Variants in NCAM2 observed in about 807,000 individuals in gnomAD.
NCAM2 encodes the protein neural cell adhesion molecule 2.
A neutral mutation model predicts 98.1 loss-of-function variants in NCAM2; 30 were observed. The ratio of observed to expected loss-of-function variants is 0.31; its 90% CI spans 0.23 to 0.41. The LOEUF (loss-of-function observed/expected upper bound fraction) is 0.41. NCAM2 is among the 10% of genes least tolerant of loss of function. The pLI is 1.00. For synonymous variants in NCAM2, 368 were observed against 342.4 expected (o/e 1.07, Z -0.83); for missense variants, 867 against 1,005.8 (o/e 0.86, Z 1.87).
chr21:21,154,638 A>T (rs947688822), intron 1 of NCAM2, among the ~76,000 whole-genome samples: 5 of 151,894 alleles, frequency 3.3e-5, no homozygotes, highest in African/African-American at 1.2e-4. Flanking sequence ...TTTCTGCTAC[A>T]CTTTTCTTCA....
chr21:21,356,472 G>A (rs2075482140), intron 8 of NCAM2, among the ~76,000 whole-genome samples: 1 of 152,008 alleles, frequency 6.6e-6, no homozygotes, highest in Admixed American at 6.6e-5. Flanking sequence ...TTTATAAAAT[G>A]TGAAGATTAC....
At chr21:21,420,292 T>C (rs1398954002) in intron 11 of NCAM2, among the ~76,000 whole-genome samples, 1 of 152,040 alleles carries the variant, frequency 6.6e-6, no homozygotes, top group East Asian at 1.9e-4. Context: ...AATAACAACA[T>C]ATAGAATAAA....
At chr21:21,079,807 G>A (rs2065754833) in intron 1 of NCAM2, among the ~76,000 whole-genome samples, 1 of 152,120 alleles carries the variant, frequency 6.6e-6, no homozygotes, top group African/African-American at 2.4e-5. Flanking sequence ...CTAAGAGTCT[G>A]TTCACCATCT....
At chr21:21,507,412 A>G (rs1357267791) in intron 15 of NCAM2, among the ~76,000 whole-genome samples, 10 of 152,074 alleles carry the variant, frequency 6.6e-5, no homozygotes. Flanking sequence ...TTACATCTAT[A>G]CCCGTATCTG....
chr21:21,110,571 C>A (rs567218021), intron 1 of NCAM2, among the ~76,000 whole-genome samples: 1 of 150,636 alleles, frequency 6.6e-6, no homozygotes. Flanking sequence ...AAAATATGAA[C>A]AAAAAATAAC....
intron 1 of NCAM2, among the ~76,000 whole-genome samples, chr21:21,178,707 T>G (rs2068375401): frequency 6.6e-6 from 1 of 151,862 alleles, no homozygotes; most frequent in Admixed American, 6.6e-5. Context: ...ATATAAGCTT[T>G]TATTCTAGTC....
intron 15 of NCAM2, among the ~76,000 whole-genome samples, chr21:21,487,501 ATGTC>A: frequency 6.6e-6 from 1 of 152,244 alleles, no homozygotes; most frequent in African/African-American, 2.4e-5. Context: ...TCAGAAATAT[ATGTC>A]TATGTCCAAT....
intron 1 of NCAM2, among the ~76,000 whole-genome samples, chr21:21,119,209 A>G (rs1472131546): frequency 6.6e-6 from 1 of 152,112 alleles, no homozygotes; most frequent in Non-Finnish European, 1.5e-5. Flanking sequence ...TAGCATAATG[A>G]TTACTTCACA....
chr21:21,143,936 T>G (rs2067221618), intron 1 of NCAM2, among the ~76,000 whole-genome samples: 1 of 152,102 alleles, frequency 6.6e-6, no homozygotes, highest in Admixed American at 6.6e-5. Context: ...CTGAAATTAG[T>G]TAGTAGAAAA....
At chr21:21,246,139 G>A (rs2071262772) in intron 1 of NCAM2, among the ~76,000 whole-genome samples, 1 of 152,102 alleles carries the variant, frequency 6.6e-6, no homozygotes, top group Non-Finnish European at 1.5e-5. Flanking sequence ...CAACTTTGGG[G>A]AAGTTATCTG....
intron 1 of NCAM2, among the ~76,000 whole-genome samples, chr21:21,262,756 C>A (rs1426637210): frequency 6.7e-6 from 1 of 149,586 alleles, no homozygotes; most frequent in Non-Finnish European, 1.5e-5. Context: ...ATACCTCAAA[C>A]TGGGCAATTA....
At chr21:21,028,576 G>A (rs2064601864) in intron 1 of NCAM2, among the ~76,000 whole-genome samples, 1 of 152,168 alleles carries the variant, frequency 6.6e-6, no homozygotes, top group Middle Eastern at 3.2e-3. Context: ...TGTGCAGCCT[G>A]CATATAATCA....
chr21:21,180,995 G>C (rs1449716939), intron 1 of NCAM2, among the ~76,000 whole-genome samples: 1 of 152,000 alleles, frequency 6.6e-6, no homozygotes, highest in Non-Finnish European at 1.5e-5. Context: ...TACATGAGTG[G>C]GTCATTTTCT....
chr21:21,385,423 AT>A, intron 9 of NCAM2, among the ~76,000 whole-genome samples: 1 of 133,442 alleles, frequency 7.5e-6, no homozygotes, highest in South Asian at 2.5e-4. Flanking sequence ...CACACACACA[AT>A]TACCAGAACA....
chr21:21,478,590 G>A (rs967770389), intron 15 of NCAM2, among the ~76,000 whole-genome samples: 30 of 151,870 alleles, frequency 2.0e-4, no homozygotes, highest in Admixed American at 1.4e-3. Context: ...TTGGTTATAA[G>A]GTTTAAAAAG....
Position 21,359,490 on chromosome 21 carries a change from A to G in NCAM2, c.1045-14373A>G, listed in dbSNP as rs139832583. Among the ~76,000 whole-genome samples the G allele has an allele frequency of 8.2e-3, 1,253 of 152,104 alleles. 10 individuals carry two copies. The highest frequency in any genetic ancestry group is 0.017 in the South Asian group (84 of 4,826). On this transcript the variant is annotated intron_variant, in intron 8 of 17. Coordinates refer to ENST00000400546, the MANE Select transcript of NCAM2 (RefSeq NM_004540.5). ...ATTCTAGATAATATTTTTAAATTGA[A>G]TATGTCTTTTTAAAAGCATCATTTA... is the stretch of plus-strand genomic sequence containing the variant.
intron 1 of NCAM2, among the ~76,000 whole-genome samples, chr21:21,160,290 C>T (rs2067742256): frequency 6.6e-6 from 1 of 151,802 alleles, no homozygotes. Flanking sequence ...GATCTATATG[C>T]TTCTATAATA....
chr21:21,323,965 A>G (rs2074443454), intron 5 of NCAM2, among the ~76,000 whole-genome samples: 1 of 152,200 alleles, frequency 6.6e-6, no homozygotes, highest in African/African-American at 2.4e-5. Flanking sequence ...GTAGATCTCC[A>G]TATTGATGTA....
At chr21:21,106,640 A>G (rs1271764378) in intron 1 of NCAM2, among the ~76,000 whole-genome samples, 1 of 151,730 alleles carries the variant, frequency 6.6e-6, no homozygotes, top group Non-Finnish European at 1.5e-5. Context: ...AGAAAACATT[A>G]TTTTTATCTA....
Sources: gnomAD v4.1 joint callset for allele counts (sites outside exome capture counted in the v4.1 genomes callset) on GRCh38, gnomAD v4.1.1 for gene constraint, MANE v1.5 for transcripts, NCBI Gene and HGNC (gene_info 2026-07-23, HGNC 2026-07-21) for gene names.